The following DMRT1 variants were observed in gnomAD, a reference collection of about 807,000 sequenced individuals.
DMRT1 encodes doublesex- and mab-3-related transcription factor 1.
Under a neutral mutation model 32.3 loss-of-function variants are expected in DMRT1, and 7 were observed. The observed-to-expected ratio is 0.22, with a 90% confidence interval of 0.12 to 0.41. DMRT1 has a LOEUF of 0.41. DMRT1 is among the 10% of genes least tolerant of loss of function. The probability of loss-of-function intolerance (pLI) is 1.00; values close to 1 mark genes in which losing one functional copy is unlikely to be tolerated. For synonymous variants in DMRT1, 278 were observed against 206.1 expected, an observed-to-expected ratio of 1.35 and a Z score of -2.99; for missense variants, 625 against 500.5, an observed-to-expected ratio of 1.25 and a Z score of -2.37.
intron 4 of DMRT1, among the ~76,000 whole-genome samples, chr9:945,980 C>T (rs2129931461): frequency 6.6e-6 from 1 of 152,196 alleles, no homozygotes; most frequent in East Asian, 1.9e-4. Flanking sequence ...TTCCTTTTTT[C>T]AATCAATGCT....
At chr9:953,204 C>G (rs1465372545) in intron 4 of DMRT1, among the ~76,000 whole-genome samples, 1 of 152,134 alleles carries the variant, frequency 6.6e-6, no homozygotes, top group Non-Finnish European at 1.5e-5. Context: ...AGTGATCTAT[C>G]TAAAACGTAT....
chr9:891,682 T>A (rs1487011270), intron 2 of DMRT1, among the ~76,000 whole-genome samples: 1 of 120,938 alleles, frequency 8.3e-6, no homozygotes, highest in African/African-American at 4.1e-5. Flanking sequence ...GCCTGGCTAA[T>A]TTTTTTTTTT....
At chr9:891,425 T>C (rs1296861873) in intron 2 of DMRT1, among the ~76,000 whole-genome samples, 3 of 151,160 alleles carry the variant, frequency 2.0e-5, no homozygotes, top group Non-Finnish European at 4.4e-5. Flanking sequence ...CACTCCAGCC[T>C]GGGCGACAGA....
intron 4 of DMRT1, among the ~76,000 whole-genome samples, chr9:934,154 T>A (rs893172552): frequency 6.6e-6 from 1 of 152,186 alleles, no homozygotes; most frequent in South Asian, 2.1e-4. Flanking sequence ...CTTGGAGACT[T>A]GGCAAGGATG....
intron 2 of DMRT1, among the ~76,000 whole-genome samples, chr9:884,519 G>C (rs182858703): frequency 6.6e-6 from 1 of 152,314 alleles, no homozygotes; most frequent in Admixed American, 6.5e-5. Context: ...TCTGAGGGGA[G>C]ACAGTGAGCT....
chr9:931,833 C>G (rs10124480), intron 4 of DMRT1, among the ~76,000 whole-genome samples: 52,845 of 152,138 alleles, frequency 0.35, 13,188 homozygotes, highest in African/African-American at 0.71. Flanking sequence ...AGTTTTAGCA[C>G]AGAGACTACA....
intron 2 of DMRT1, among the ~76,000 whole-genome samples, chr9:872,798 C>G (rs7021054): frequency 1.3e-5 from 2 of 152,138 alleles, no homozygotes; most frequent in Non-Finnish European, 2.9e-5. Context: ...TCAAAGCGGA[C>G]TTGGTGGTTC....
intron 3 of DMRT1, among the ~76,000 whole-genome samples, chr9:913,337 C>G (rs1818054908): frequency 6.6e-6 from 1 of 152,264 alleles, no homozygotes; most frequent in Admixed American, 6.5e-5. Context: ...CACCTTGCTT[C>G]TAATTCAGTG....
intron 4 of DMRT1, among the ~76,000 whole-genome samples, chr9:938,655 C>G (rs982955949): frequency 1.3e-5 from 2 of 152,046 alleles, no homozygotes; most frequent in Non-Finnish European, 2.9e-5. Flanking sequence ...TGTGGATTCT[C>G]TAGTATTTTC....
In DMRT1 at chr9:894,323, CAG is replaced by C. The variant is rs1817269763; in HGVS notation, c.822+129_822+130del. 5.2e-6 allele frequency: 5 copies of C among 959,952 alleles called. No homozygotes were observed. The Admixed American group carries it at 8.9e-5, about 17-fold the overall frequency. The allele number at this position is 959,952 out of a possible 1,614,324, so 59.5% of individuals were successfully genotyped here. On this transcript the variant is annotated intron_variant, in intron 3 of 4. Coordinates refer to ENST00000382276, the MANE Select transcript of DMRT1 (RefSeq NM_021951.3). ...CAGAGGCACACACAGGTGACACACA[CAG>C]GTACACACACATATGTGTGTGTGCC...
At chr9:946,123 TTTTC>T (rs763672881) in intron 4 of DMRT1, among the ~76,000 whole-genome samples, 7 of 151,962 alleles carry the variant, frequency 4.6e-5, no homozygotes, top group Admixed American at 2.0e-4. Flanking sequence ...GTCATGTTAT[TTTTC>T]TTTCTTTCTT....
intron 1 of DMRT1, among the ~76,000 whole-genome samples, chr9:845,461 G>C (rs1260403711): frequency 6.6e-6 from 1 of 152,186 alleles, no homozygotes; most frequent in African/African-American, 2.4e-5. Context: ...ACCTGCCTCA[G>C]CATCGCAAAG....
chr9:915,131 C>G (rs1818128218), intron 3 of DMRT1, among the ~76,000 whole-genome samples: 1 of 152,076 alleles, frequency 6.6e-6, no homozygotes, highest in Non-Finnish European at 1.5e-5. Context: ...TTGAACATTC[C>G]CTTAGATCGA....
At chr9:877,072 A>G (rs1227901266) in intron 2 of DMRT1, among the ~76,000 whole-genome samples, 1 of 152,186 alleles carries the variant, frequency 6.6e-6, no homozygotes, top group Non-Finnish European at 1.5e-5. Flanking sequence ...ACAAGGGATG[A>G]AATTACCTCC....
rs1554758030 is a variant in DMRT1, at chr9:928,846, T to TTA, written c.967+11940_967+11941insAT. Among the ~76,000 whole-genome samples, 3 of 151,090 alleles carry TTA rather than the reference T, an allele frequency of 2.0e-5. No individual in the cohort carries two copies. In the East Asian group the frequency reaches 5.8e-4, roughly 29 times the overall value. On this transcript the variant is annotated intron_variant, in intron 4 of 4. Coordinates refer to ENST00000382276, the MANE Select transcript of DMRT1 (RefSeq NM_021951.3). ...ATTTAAATTTTATTTATTTATTTATTTTTATTTATTTATTTATTTATTTAT... is the reference window on the plus strand; with the variant it reads ...ATTTAAATTTTATTTATTTATTTATTTATTTATTTATTTATTTATTTATTTAT...
chr9:908,874 G>T (rs959213525), intron 3 of DMRT1, among the ~76,000 whole-genome samples: 1 of 152,050 alleles, frequency 6.6e-6, no homozygotes. Context: ...GAGAGCTTTC[G>T]TTTGGAAAAA....
chr9:912,082 G>T (rs1447273099), intron 3 of DMRT1, among the ~76,000 whole-genome samples: 1 of 152,228 alleles, frequency 6.6e-6, no homozygotes, highest in Non-Finnish European at 1.5e-5. Flanking sequence ...TTGCAGTCAT[G>T]TCAGAAGGCG....
intron 4 of DMRT1, among the ~76,000 whole-genome samples, chr9:963,511 C>T (rs575345307): frequency 1.3e-5 from 2 of 152,276 alleles, no homozygotes; most frequent in Non-Finnish European, 2.9e-5. Context: ...AGTTACAGCT[C>T]AGCCTTCTTC....
intron 3 of DMRT1, among the ~76,000 whole-genome samples, chr9:897,412 A>G (rs1246710907): frequency 6.6e-6 from 1 of 151,736 alleles, no homozygotes. Context: ...GAATCATACT[A>G]TTTTTGAAGG....
Sources: gnomAD v4.1 joint callset for allele counts (sites outside exome capture counted in the v4.1 genomes callset) on GRCh38, gnomAD v4.1.1 for gene constraint, MANE v1.5 for transcripts, NCBI Gene and HGNC (gene_info 2026-07-23, HGNC 2026-07-21) for gene names.